The following CRTC1 variants were observed in gnomAD, a reference collection of about 807,000 sequenced individuals.
CRTC1 encodes CREB-regulated transcription coactivator 1.
CRTC1 carries 18 observed loss-of-function variants against 66.1 expected under a neutral mutation model. That is an observed-to-expected ratio of 0.27 (90% CI 0.19 to 0.40). The LOEUF is 0.40. Among genes scored for constraint, CRTC1 ranks in the 10% least tolerant of loss-of-function variants. CRTC1 has a pLI of 1.00. For synonymous variants in CRTC1, 416 were observed against 398.8 expected, an observed-to-expected ratio of 1.04 and a Z score of -0.51; for missense variants, 669 against 887.9, an observed-to-expected ratio of 0.75 and a Z score of 3.13.
intron 1 of CRTC1, among the ~76,000 whole-genome samples, chr19:18,723,218 G>A (rs2053667257): frequency 6.6e-6 from 1 of 152,224 alleles, no homozygotes. Context: ...TGGGATTACA[G>A]GCCTGAGCCA....
intron 5 of CRTC1, among the ~76,000 whole-genome samples, chr19:18,750,948 G>T (rs952092847): frequency 2.0e-5 from 3 of 152,178 alleles, no homozygotes; most frequent in African/African-American, 7.2e-5. Context: ...GCACGTCCGA[G>T]GGGTGGGCAA....
chr19:18,739,406 C>G (rs911785573), intron 1 of CRTC1, among the ~76,000 whole-genome samples: 1 of 152,238 alleles, frequency 6.6e-6, no homozygotes, highest in African/African-American at 2.4e-5. Context: ...CCTGAGGCCT[C>G]CTGGGTTTTA....
chr19:18,742,990 C>A lies in CRTC1; in HGVS notation c.207C>A (p.Asn69Lys), dbSNP rs1215604023. The change falls in exon 2 of 14, where the codon AAC (asparagine) becomes AAA (lysine). Residue 69 changes from asparagine to lysine, a missense_variant. Asn to Lys is a moderately conservative substitution (Grantham distance 94, BLOSUM62 0). Coordinates refer to ENST00000321949, the MANE Select transcript of CRTC1 (RefSeq NM_015321.3). ...QYYGGSLPNV[N>K]QIGSGTMDLP... is the part of the protein sequence containing the mutation. ...ATGGCGGGTCCCTGCCCAACGTGAA[C>A]CAGATCGGGAGTGGCACCATGGACC... is the stretch of plus-strand genomic sequence containing the variant. The A allele has an allele frequency of 6.2e-7, 1 of 1,613,122 alleles. No individual in the cohort carries two copies. The highest frequency in any genetic ancestry group is 8.5e-7 in the Non-Finnish European group (1 of 1,179,816).
intron 1 of CRTC1, among the ~76,000 whole-genome samples, chr19:18,726,176 C>A (rs1427356505): frequency 6.6e-6 from 1 of 152,244 alleles, no homozygotes. Flanking sequence ...GTGGGATTAC[C>A]AGGTTAGAGG....
At position 18,775,097 on chromosome 19, in the gene CRTC1, C is replaced by T. The variant is rs1027045657; in HGVS notation, c.1512+111C>T. 82 of 1,051,810 alleles carry T rather than the reference C, an allele frequency of 7.8e-5. 1 individual carries two copies. The highest frequency in any genetic ancestry group is 5.9e-4 in the Middle Eastern group (2 of 3,368). The allele number at this position is 1,051,810 out of a possible 1,614,324, so 65.2% of individuals were successfully genotyped here. On this transcript the variant is annotated intron_variant, in intron 12 of 13. Transcript: ENST00000321949. ...CAGAGCTGCACGTGCTCGGGGGGCC[C>T]GTGCCTGCCCCTCAGCTTTGCCCCT...
intron 1 of CRTC1, among the ~76,000 whole-genome samples, chr19:18,717,562 A>G (rs368702844): frequency 5.1e-4 from 78 of 152,244 alleles, no homozygotes; most frequent in Middle Eastern, 6.8e-3. Flanking sequence ...TGTGTGGGGC[A>G]CTGGGGCCCA....
At chr19:18,757,175 C>G (rs75454990) in intron 6 of CRTC1, among the ~76,000 whole-genome samples, 7 of 152,120 alleles carry the variant, frequency 4.6e-5, no homozygotes, top group African/African-American at 1.7e-4. Context: ...GGGGCGGAAA[C>G]GTGTCACACT....
intron 1 of CRTC1, among the ~76,000 whole-genome samples, chr19:18,734,372 T>TA (rs1017280423): frequency 1.9e-4 from 29 of 151,004 alleles, no homozygotes; most frequent in African/African-American, 4.6e-4. Flanking sequence ...TGTAAAAGAT[T>TA]AAAAAAAAAT....
At chr19:18,701,233 G>T (rs2053131852) in intron 1 of CRTC1, among the ~76,000 whole-genome samples, 1 of 152,256 alleles carries the variant, frequency 6.6e-6, no homozygotes, top group Admixed American at 6.5e-5. Flanking sequence ...GGCTCATCAC[G>T]CTGCTCTATG....
In CRTC1 at chr19:18,741,008, AAAAC is replaced by A. The variant is rs986119181; in HGVS notation, c.127-1891_127-1888del. Among the ~76,000 whole-genome samples, 24 of 152,322 alleles carry A rather than the reference AAAAC, an allele frequency of 1.6e-4. No individual in the cohort carries two copies. The highest frequency in any genetic ancestry group is 7.7e-4 in the East Asian group (4 of 5,186). On this transcript the variant is annotated intron_variant, in intron 1 of 13. Coordinates refer to ENST00000321949, the MANE Select transcript of CRTC1 (RefSeq NM_015321.3). The surrounding 1 kb of genome is among the most constrained non-coding windows in gnomAD (Gnocchi z 4.2). ...CAACAGAGCGAGACTCCATCTCAAA[AAAAC>A]AAACAAACAACAACAACAACAAAAA...
Position 18,762,792 on chromosome 19 carries a change from T to G in CRTC1, c.886+2564T>G, listed in dbSNP as rs141889796. Among the ~76,000 whole-genome samples the G allele has an allele frequency of 2.0e-3, 311 of 152,378 alleles. 1 individual carries two copies. The highest frequency in any genetic ancestry group is 7.0e-3 in the African/African-American group (293 of 41,588). The stretch of plus-strand genomic sequence containing the variant: ...CTCCCGTCCGCCCTCCTGGGCCAAC[T>G]GGCCTCTCCAGGGGTGGCCGAGAGC... On this transcript the variant is annotated intron_variant, in intron 8 of 13. Transcript: ENST00000321949.
chr19:18,722,771 C>T (rs985556771), intron 1 of CRTC1, among the ~76,000 whole-genome samples: 5 of 152,296 alleles, frequency 3.3e-5, no homozygotes, highest in Non-Finnish European at 7.3e-5. Context: ...GGTAGTCACT[C>T]CCCATTTCCA....
At chr19:18,692,735 C>A (rs1259417809) in intron 1 of CRTC1, among the ~76,000 whole-genome samples, 1 of 152,120 alleles carries the variant, frequency 6.6e-6, no homozygotes, top group Non-Finnish European at 1.5e-5. Context: ...GAGCAGATGT[C>A]CCTGGCTCAG....
Position 18,760,351 on chromosome 19 carries a change from G to A in CRTC1, c.886+123G>A, listed in dbSNP as rs1470428432. ...AGGGCATGGGGGACAGGGCTGGGGG[G>A]CGGCCGACAGGCTGACCCAGCGGGC... is the stretch of plus-strand genomic sequence containing the variant. On this transcript the variant is annotated intron_variant, in intron 8 of 13. Coordinates refer to ENST00000321949, the MANE Select transcript of CRTC1 (RefSeq NM_015321.3). The surrounding 1 kb of genome is among the most constrained non-coding windows in gnomAD (Gnocchi z 6.2). 3.5e-6 allele frequency: 3 copies of A among 846,714 alleles called. No individual in the cohort carries two copies. Among genetic ancestry groups the A allele is most frequent in the African/African-American group, 3.4e-5 (2 of 59,288 alleles). The allele number at this position is 846,714 out of a possible 1,614,324, so 52.5% of individuals were successfully genotyped here.
Position 18,771,021 on chromosome 19 carries a change from TGTGCACATGTGTGG to T in CRTC1, c.1321-417_1321-404del, listed in dbSNP as rs2054854487. On this transcript the variant is annotated intron_variant, in intron 10 of 13. Coordinates refer to ENST00000321949, the MANE Select transcript of CRTC1 (RefSeq NM_015321.3). This position sits in a 1 kb window ranked among gnomAD's most constrained non-coding sequence, Gnocchi z 4.6. ...GGGCATGTACATTCATGTGTGGATA[TGTGCACATGTGTGG>T]GTGTGCATGTGTGGGTATGTATATT... is the stretch of plus-strand genomic sequence containing the variant. Among the ~76,000 whole-genome samples the T allele has an allele frequency of 6.6e-6, 1 of 151,882 alleles. No individual in the cohort carries two copies.
At chr19:18,759,955 C>CCCCCCCCCCCCG in intron 7 of CRTC1, 53 bp from the exon 8 acceptor site, 1 of 1,410,134 alleles carries the variant, frequency 7.1e-7, no homozygotes, top group Non-Finnish European at 9.7e-7. Flanking sequence ...CTGTCCCCGC[C>CCCCCCCCCCCCG]GCCAGCCCCG....
chr19:18,702,919 C>T (rs913877249), intron 1 of CRTC1, among the ~76,000 whole-genome samples: 4 of 152,018 alleles, frequency 2.6e-5, no homozygotes, highest in African/African-American at 9.7e-5. Flanking sequence ...GACCTGGTTG[C>T]GACGGCCGGG....
At chr19:18,709,354 C>T (rs117860403) in intron 1 of CRTC1, among the ~76,000 whole-genome samples, 3,454 of 152,190 alleles carry the variant, frequency 0.023, 73 homozygotes, top group Non-Finnish European at 0.03. Context: ...TGCCCCCACA[C>T]GTAACCCTCA....
intron 5 of CRTC1, among the ~76,000 whole-genome samples, chr19:18,751,856 C>T (rs1223609998): frequency 2.0e-5 from 3 of 152,096 alleles, no homozygotes; most frequent in East Asian, 1.9e-4. Flanking sequence ...GTGGTGGATG[C>T]GGAACAGAAC....
Sources: gnomAD v4.1 joint callset for allele counts (sites outside exome capture counted in the v4.1 genomes callset) on GRCh38, gnomAD v4.1.1 for gene constraint, Gnocchi (gnomAD v3.1) non-coding constraint, MANE v1.5 for transcripts, NCBI Gene and HGNC (gene_info 2026-07-23, HGNC 2026-07-21) for gene names.